STMN4: variants seen among roughly 807,000 people sequenced by gnomAD.
STMN4 encodes stathmin-4.
A neutral mutation model predicts 29.1 loss-of-function variants in STMN4; 12 were observed. That is an observed-to-expected ratio of 0.41 (90% CI 0.26 to 0.67). The LOEUF (loss-of-function observed/expected upper bound fraction) is 0.67, where lower values mean the gene tolerates loss of function less well. Among genes scored for constraint, STMN4 ranks in the 30% least tolerant of loss-of-function variants. The pLI is 0.30. For missense variants in STMN4, 181 were observed against 262.8 expected, an observed-to-expected ratio of 0.69 and a Z score of 2.15; for synonymous variants, 114 against 105.3, an observed-to-expected ratio of 1.08 and a Z score of -0.51.
At position 27,253,705 on chromosome 8, in the gene STMN4, T is replaced by C. The variant is rs546752745; in HGVS notation, c.-79+4646A>G. 2.8e-3 allele frequency among the ~76,000 whole-genome samples: 432 copies of C among 152,218 alleles called. 2 individuals carry two copies. Among genetic ancestry groups the C allele is most frequent in the African/African-American group, 9.7e-3 (403 of 41,558 alleles). Reference sequence around the variant, plus strand: ...TTGTGACCATCATTGATACCATTTTTTTTTGTATTTGATTTCTTTAATTTG... The same window carrying C: ...TTGTGACCATCATTGATACCATTTTCTTTTGTATTTGATTTCTTTAATTTG... On this transcript the variant is annotated intron_variant, in intron 1 of 6. Coordinates refer to ENST00000350889, the MANE Select transcript of STMN4 (RefSeq NM_030795.4).
At position 27,236,843 on chromosome 8, in the gene STMN4, G is replaced by A. The variant is rs541189653; in HGVS notation, c.*3C>T. On this transcript the variant is annotated 3_prime_UTR_variant, in exon 7 of 7. Transcript: ENST00000350889. The stretch of plus-strand genomic sequence containing the variant: ...ACCTGGAAAGTTCTTTGGCCTCTAG[G>A]CTTTACCTGGAGGCCTCTTCCTTCA... 2.2e-5 allele frequency: 35 copies of A among 1,603,520 alleles called. 1 individual carries two copies. The South Asian group carries it at 3.5e-4, about 16-fold the overall frequency.
intron 1 of STMN4, among the ~76,000 whole-genome samples, chr8:27,251,107 C>G (rs1433559276): frequency 6.6e-6 from 1 of 151,824 alleles, no homozygotes; most frequent in South Asian, 2.1e-4. Context: ...ATTAGCCCAG[C>G]GTGGTGGTGC....
chr8:27,239,513 G>A, intron 6 of STMN4: 1 of 705,020 alleles, frequency 1.4e-6, no homozygotes, highest in Non-Finnish European at 2.3e-6. Flanking sequence ...GTGTCAAGAG[G>A]TTTAGAGAGA....
intron 1 of STMN4, among the ~76,000 whole-genome samples, chr8:27,245,269 A>G (rs527441792): frequency 6.6e-6 from 1 of 152,336 alleles, no homozygotes; most frequent in East Asian, 1.9e-4. Flanking sequence ...CAGGACAGCT[A>G]TCAGGTGCCA....
intron 1 of STMN4, among the ~76,000 whole-genome samples, chr8:27,245,114 C>G (rs1156707209): frequency 1.3e-5 from 2 of 152,218 alleles, no homozygotes; most frequent in Non-Finnish European, 2.9e-5. Context: ...ACAAGTATCA[C>G]CTCTCTTACC....
In STMN4 at chr8:27,236,722, C is replaced by T; in HGVS notation, c.*124G>A. On this transcript the variant is annotated 3_prime_UTR_variant, in exon 7 of 7. Transcript: ENST00000350889. The stretch of plus-strand genomic sequence containing the variant: ...CAAACACCAAAAGCAGAGGAAACGC[C>T]CCTTGGCCACCCCCCTCCCCCCAAA... 2 of 776,518 alleles carry T rather than the reference C, an allele frequency of 2.6e-6. No homozygotes were observed. Among genetic ancestry groups the T allele is most frequent in the South Asian group, 2.3e-5 (1 of 44,330 alleles). The allele number at this position is 776,518 out of a possible 1,614,324, so 48.1% of individuals were successfully genotyped here.
At chr8:27,241,410 T>A in intron 4 of STMN4, 148 bp from the exon 5 acceptor site, 1 of 936,548 alleles carries the variant, frequency 1.1e-6, no homozygotes, top group Non-Finnish European at 1.6e-6. Context: ...CCCTAGTACC[T>A]AAGGGCAATG....
At position 27,236,762 on chromosome 8, in the gene STMN4, G is replaced by A; in HGVS notation, c.*84C>T. Reference sequence around the variant, plus strand: ...CTCCCCCCAAACCCCAGTGCTGGGAGCGCAGCCGGCGGGCGAGGCTGCCTG... The same window carrying A: ...CTCCCCCCAAACCCCAGTGCTGGGAACGCAGCCGGCGGGCGAGGCTGCCTG... On this transcript the variant is annotated 3_prime_UTR_variant, in exon 7 of 7. Transcript: ENST00000350889. The A allele has an allele frequency of 7.7e-7, 1 of 1,301,800 alleles. No homozygotes were observed. The highest frequency in any genetic ancestry group is 1.6e-5 in the South Asian group (1 of 61,744). The allele number at this position is 1,301,800 out of a possible 1,614,324, so 80.6% of individuals were successfully genotyped here. A position where few individuals can be genotyped will look rare whatever the true frequency, so the allele number is the denominator to read the frequency against.
chr8:27,242,137 C>T, intron 3 of STMN4: 1 of 570,128 alleles, frequency 1.8e-6, no homozygotes, highest in Non-Finnish European at 3.1e-6. Flanking sequence ...TCTCGATTTG[C>T]TGGATGCATG....
At chr8:27,238,426 GCT>G (rs1434412888) in intron 6 of STMN4, among the ~76,000 whole-genome samples, 1 of 152,220 alleles carries the variant, frequency 6.6e-6, no homozygotes, top group African/African-American at 2.4e-5. Context: ...TCAAATGTCT[GCT>G]CTGACCTCAC....
At chr8:27,257,835 T>C (rs1563425741) in intron 1 of STMN4, among the ~76,000 whole-genome samples, 1 of 152,092 alleles carries the variant, frequency 6.6e-6, no homozygotes, top group African/African-American at 2.4e-5. Context: ...GAGGAGGTGA[T>C]GATCTCATTG....
At chr8:27,242,927 A>T (rs1401992631) in intron 2 of STMN4, among the ~76,000 whole-genome samples, 1 of 152,168 alleles carries the variant, frequency 6.6e-6, no homozygotes, top group Non-Finnish European at 1.5e-5. Context: ...CTGCAGGGTT[A>T]AGGAGCTGGA....
intron 2 of STMN4, 86 bp downstream of exon 2, chr8:27,243,625 G>T: frequency 7.0e-7 from 1 of 1,432,952 alleles, no homozygotes; most frequent in Non-Finnish European, 9.9e-7. Flanking sequence ...CCTGCCAGCT[G>T]TGTTCTTCCC....
In STMN4 at chr8:27,243,691, C is replaced by T; in HGVS notation, c.13+20G>A. ...AGGGGGAATAGCCTACGCCCCTTAA[C>T]ACATGGTTTTTGTACCTACCAGCAA... On this transcript the variant is annotated intron_variant, in intron 2 of 6. Coordinates refer to ENST00000350889, the MANE Select transcript of STMN4 (RefSeq NM_030795.4). 1 of 1,613,484 alleles carries T rather than the reference C, an allele frequency of 6.2e-7. No individual in the cohort carries two copies. Among genetic ancestry groups the T allele is most frequent in the Non-Finnish European group, 8.5e-7 (1 of 1,179,398 alleles).
At chr8:27,249,416 G>T (rs1163169750) in intron 1 of STMN4, among the ~76,000 whole-genome samples, 1 of 152,180 alleles carries the variant, frequency 6.6e-6, no homozygotes, top group East Asian at 1.9e-4. Flanking sequence ...GGCAGAGGCT[G>T]GCGAGTCTAA....
At chr8:27,243,892 C>A (rs1331645271) in intron 1 of STMN4, 91 bp from the exon 2 acceptor site, 2 of 1,187,386 alleles carry the variant, frequency 1.7e-6, no homozygotes, top group East Asian at 2.5e-5. Context: ...GAGGGAATCT[C>A]AGGGGTACCT....
intron 6 of STMN4, among the ~76,000 whole-genome samples, chr8:27,237,709 A>T (rs1801349738): frequency 6.6e-6 from 1 of 152,226 alleles, no homozygotes; most frequent in African/African-American, 2.4e-5. Flanking sequence ...GCCCATCTGC[A>T]GGAGGATCTT....
Position 27,239,598 on chromosome 8 carries a change from T to TTTCC in STMN4, c.591+369_591+372dup, listed in dbSNP as rs1801406010. On this transcript the variant is annotated intron_variant, in intron 6 of 6. Transcript: ENST00000350889. The stretch of plus-strand genomic sequence containing the variant: ...AGAGCCAAGAGCTCAAGAAAGCATC[T>TTTCC]TTCCTTCCATCAAATCAATCCATTC... 8 of 1,088,336 alleles carry TTTCC rather than the reference T, an allele frequency of 7.4e-6. No homozygotes were observed. In the East Asian group the frequency reaches 2.1e-4, roughly 29 times the overall value. The allele number at this position is 1,088,336 out of a possible 1,614,324, so 67.4% of individuals were successfully genotyped here. A position where few individuals can be genotyped will look rare whatever the true frequency, so the allele number is the denominator to read the frequency against.
rs1219752035 is a variant in STMN4 at position 27,242,419 on chromosome 8, A to G, written c.87T>C (p.Asn29=). ...GACCTTCATATTTGTAGGACGACTT[A>G]TTCAGGGGATCGGCCAGGAAGCAGG... is the stretch of plus-strand genomic sequence containing the variant. ...FCSCFLADPL[N]KSSYKYEGWC... Residue 29 remains asparagine, a synonymous_variant, in exon 3 of 7, where the codon AAT becomes AAC. Coordinates refer to ENST00000350889, the MANE Select transcript of STMN4 (RefSeq NM_030795.4). 3.1e-6 allele frequency: 5 copies of G among 1,614,178 alleles called. No individual in the cohort carries two copies. Among genetic ancestry groups the G allele is most frequent in the Non-Finnish European group, 4.2e-6 (5 of 1,180,026 alleles).
Sources: gnomAD v4.1 joint callset for allele counts (sites outside exome capture counted in the v4.1 genomes callset) on GRCh38, gnomAD v4.1.1 for gene constraint, MANE v1.5 for transcripts, NCBI Gene and HGNC (gene_info 2026-07-23, HGNC 2026-07-21) for gene names.